RP1L1: variants seen among roughly 807,000 people sequenced by gnomAD.
The protein encoded by RP1L1 is RP1 like 1, also known as retinitis pigmentosa 1-like 1 protein.
Under a neutral mutation model 15.7 loss-of-function variants are expected in RP1L1, and 27 were observed. The observed-to-expected ratio is 1.72, with a 90% CI of 1.27 to 2.38. The LOEUF (loss-of-function observed/expected upper bound fraction) is 2.38. Ranked by LOEUF, RP1L1 falls within the 30% of genes most tolerant of loss-of-function variation. RP1L1 has a pLI of 0.00. For synonymous variants in RP1L1, 1,813 were observed against 1,276.7 expected (o/e 1.42, Z -8.96); for missense variants, 4,798 against 3,075.9 (o/e 1.56, Z -13.24).
intron 1 of RP1L1, among the ~76,000 whole-genome samples, chr8:10,632,777 T>A (rs765020068): frequency 1.3e-5 from 2 of 152,162 alleles, no homozygotes; most frequent in Non-Finnish European, 2.9e-5. Flanking sequence ...AGTCTGAGGT[T>A]GACTTGATAT....
In RP1L1 at chr8:10,607,323, C is replaced by G; in HGVS notation, c.6775G>C (p.Asp2259His). The G allele has an allele frequency of 1.2e-6, 2 of 1,614,238 alleles. No homozygotes were observed. Among genetic ancestry groups the G allele is most frequent in the African/African-American group, 1.3e-5 (1 of 75,064 alleles). ...KKGSPQVSLG[D>H]GQSEEASESS... Reference sequence around the variant, plus strand: ...TCAGAAGCCTCCTCAGATTGGCCATCTCCTAGACTGACCTGAGGGCTCCCC... The same window carrying G: ...TCAGAAGCCTCCTCAGATTGGCCATGTCCTAGACTGACCTGAGGGCTCCCC... The change falls in exon 4 of 4, where the codon GAT becomes CAT. Residue 2259 changes from aspartate (D) to histidine (H), a missense_variant. By Grantham distance (81) the Asp-to-His change is moderately conservative. Coordinates refer to ENST00000382483, the MANE Select transcript of RP1L1 (RefSeq NM_178857.6).
rs1563122872 is a variant in RP1L1, at chr8:10,610,281, CA to C, written c.3816del (p.Asn1272LysfsTer21). On this transcript the variant is annotated frameshift_variant, in exon 4 of 4. Transcript: ENST00000382483. LOFTEE classifies it low-confidence loss of function (END_TRUNC). ...LNARACACAT[N>X]EDEAERDSEE... is the part of the protein sequence containing the mutation. ...TCACTGTCTCTTTCTGCTTCATCCTCATTGGTGGCACAAGCGCAGGCTCGGG... is the reference window on the plus strand; with the variant it reads ...TCACTGTCTCTTTCTGCTTCATCCTCTTGGTGGCACAAGCGCAGGCTCGGG... 1.9e-6 allele frequency: 3 copies of C among 1,614,204 alleles called. No individual in the cohort carries two copies. Among genetic ancestry groups the C allele is most frequent in the Non-Finnish European group, 1.7e-6 (2 of 1,180,044 alleles).
chr8:10,619,960 CAAAA>C (rs34459240), intron 2 of RP1L1, among the ~76,000 whole-genome samples: 3 of 87,204 alleles, frequency 3.4e-5, no homozygotes, highest in South Asian at 4.4e-4. Context: ...GACTCCATCT[CAAAA>C]AAAAAAAAAA....
At position 10,611,604 on chromosome 8, in the gene RP1L1, G is replaced by C. The variant is rs759679455; in HGVS notation, c.2494C>G (p.Gln832Glu). Residue 832 changes from glutamine (Q) to glutamate (E), a missense_variant, in exon 4 of 4, where the codon CAG becomes GAG. Coordinates refer to ENST00000382483, the MANE Select transcript of RP1L1 (RefSeq NM_178857.6). ...CCCCGCTGGGCCTCTTGGGCCGGCT[G>C]CGTCCCAGGCTGTGAGCAGCAGTGG... is the stretch of plus-strand genomic sequence containing the variant. ...RSHCCSQPGT[Q>E]PAQEAQRGPS... 3.7e-6 allele frequency: 6 copies of C among 1,612,280 alleles called. No individual in the cohort carries two copies. The African/African-American group carries it at 8.0e-5, about 22-fold the overall frequency.
chr8:10,631,508 G>A (rs1174889717), intron 1 of RP1L1, among the ~76,000 whole-genome samples: 1 of 152,144 alleles, frequency 6.6e-6, no homozygotes, highest in Non-Finnish European at 1.5e-5. Flanking sequence ...GCTCTTTTCC[G>A]TGTATAGCAG....
intron 3 of RP1L1, among the ~76,000 whole-genome samples, chr8:10,615,483 G>A (rs1041084802): frequency 1.3e-5 from 2 of 152,156 alleles, no homozygotes; most frequent in African/African-American, 4.8e-5. Context: ...GACCCTGAAA[G>A]GATGCAACGC....
Position 10,610,308 on chromosome 8 carries a change from C to A in RP1L1, c.3790G>T (p.Ala1264Ser). 1.2e-6 allele frequency: 2 copies of A among 1,614,200 alleles called. No individual in the cohort carries two copies. Among genetic ancestry groups the A allele is most frequent in the South Asian group, 1.1e-5 (1 of 91,076 alleles). Residue 1264 changes from alanine to serine, a missense_variant, in exon 4 of 4, where the codon GCC becomes TCC. Ala to Ser is a moderately conservative substitution (Grantham distance 99). Coordinates refer to ENST00000382483, the MANE Select transcript of RP1L1 (RefSeq NM_178857.6). ...QQCCFPTFLN[A>S]RACACATNED... ...TTGGTGGCACAAGCGCAGGCTCGGG[C>A]GTTCAAGAAGGTTGGGAAACAACAC...
At chr8:10,619,305 T>C (rs1798021343) in intron 2 of RP1L1, among the ~76,000 whole-genome samples, 1 of 152,226 alleles carries the variant, frequency 6.6e-6, no homozygotes, top group Admixed American at 6.5e-5. Flanking sequence ...GCACAGGCCA[T>C]CTTCCTTTTG....
chr8:10,644,881 C>T (rs1798453985), intron 1 of RP1L1, among the ~76,000 whole-genome samples: 1 of 152,232 alleles, frequency 6.6e-6, no homozygotes, highest in Non-Finnish European at 1.5e-5. Context: ...AGTACAGGGG[C>T]TGTTATTACC....
chr8:10,637,775 G>C (rs1393776396), intron 1 of RP1L1, among the ~76,000 whole-genome samples: 1 of 152,220 alleles, frequency 6.6e-6, no homozygotes, highest in Non-Finnish European at 1.5e-5. Flanking sequence ...GTTGAGACAG[G>C]AGGGGAAAGA....
intron 3 of RP1L1, among the ~76,000 whole-genome samples, chr8:10,614,752 C>T (rs962290653): frequency 1.3e-5 from 2 of 150,712 alleles, no homozygotes; most frequent in Admixed American, 6.6e-5. Flanking sequence ...ATGAATGAAG[C>T]CCCCAAGGGC....
chr8:10,621,460 G>A (rs1327524052), intron 2 of RP1L1: 4 of 284,132 alleles, frequency 1.4e-5, no homozygotes, highest in Non-Finnish European at 2.8e-5. Context: ...CGAGTAGCTG[G>A]GATTACAGGT....
chr8:10,611,405 G>C lies in RP1L1; in HGVS notation c.2693C>G (p.Thr898Arg). 6.3e-7 allele frequency: 1 copy of C among 1,597,822 alleles called. No individual in the cohort carries two copies. Among genetic ancestry groups the C allele is most frequent in the African/African-American group, 1.3e-5 (1 of 74,760 alleles). The change falls in exon 4 of 4, where the codon ACG (threonine) becomes AGG (arginine). Residue 898 changes from threonine to arginine, a missense_variant. Physicochemically the swap from Thr to Arg is moderately conservative, Grantham distance 71 (BLOSUM62 -1). Transcript: ENST00000382483. ...CCCTGAATTGGGGCCTGGGGACGGC[G>C]TGGGGCCTGGCTGGCGTGTCCCCTC... Reference protein sequence around the residue: ...PQEGTRQPGPTPSPGPNSGAS... With the variant: ...PQEGTRQPGPRPSPGPNSGAS...
In RP1L1 at chr8:10,611,537, G is replaced by A. The variant is rs773283970; in HGVS notation, c.2561C>T (p.Pro854Leu). 29 of 1,591,868 alleles carry A rather than the reference G, an allele frequency of 1.8e-5. No homozygotes were observed. The Admixed American group carries it at 2.0e-4, about 11-fold the overall frequency. Residue 854 changes from proline to leucine, a missense_variant, in exon 4 of 4, where the codon CCC becomes CTC. Coordinates refer to ENST00000382483, the MANE Select transcript of RP1L1 (RefSeq NM_178857.6). ...GCAGGGCCGCCCCCTGGGCGGGGTG[G>A]GACAGTACCTGCCACACAGCCAGCT... ...EASWLCGRYC[P>L]TPPRGRPCPQ...
chr8:10,612,094 A>C lies in RP1L1; in HGVS notation c.2004T>G (p.Ser668=), dbSNP rs1797871809. 3.1e-6 allele frequency: 5 copies of C among 1,613,680 alleles called. No homozygotes were observed. Among genetic ancestry groups the C allele is most frequent in the Non-Finnish European group, 4.2e-6 (5 of 1,180,030 alleles). ...GGCTGTGGGTGTCCTTGCGGTAGTG[A>C]GAATGCCTGGGATGGCCTCTCGGGG... ...RVAPRGHPRH[S]HYRKDTHSPL... is the part of the protein sequence containing the mutation. The change falls in exon 4 of 4, where the codon TCT becomes TCG. Residue 668 remains serine (S), a synonymous_variant. Coordinates refer to ENST00000382483, the MANE Select transcript of RP1L1 (RefSeq NM_178857.6).
At chr8:10,621,798 G>A (rs541657449) in intron 2 of RP1L1, 57 of 494,574 alleles carry the variant, frequency 1.2e-4, no homozygotes, top group Admixed American at 2.9e-4. Context: ...TTACATTCAC[G>A]CATGTCCTTG....
rs545121611 is a variant in RP1L1 at position 10,626,389 on chromosome 8, G to A, written c.-19-3169C>T. 1.1e-4 allele frequency among the ~76,000 whole-genome samples: 17 copies of A among 152,308 alleles called. No homozygotes were observed. In the South Asian group the frequency reaches 3.3e-3, roughly 30 times the overall value. ...CACACGCGGATCACCGAAAGAAGCC[G>A]AGCATGATGGGAAGCTCACATGTCC... On this transcript the variant is annotated intron_variant, in intron 1 of 3. Transcript: ENST00000382483.
At chr8:10,622,543 C>T in intron 2 of RP1L1, 50 bp downstream of exon 2, 3 of 1,612,962 alleles carry the variant, frequency 1.9e-6, no homozygotes, top group Non-Finnish European at 2.5e-6. Context: ...GTATTTTGAC[C>T]TCAGGTCTAA....
chr8:10,612,200 G>T lies in RP1L1; in HGVS notation c.1898C>A (p.Ser633Ter), dbSNP rs1380730524. The change falls in exon 4 of 4, where the codon TCA (serine) becomes TAA (stop). Residue 633 changes from serine (S) to a stop codon, truncating the protein, a stop_gained. Coordinates refer to ENST00000382483, the MANE Select transcript of RP1L1 (RefSeq NM_178857.6). LOFTEE classifies it low-confidence loss of function (END_TRUNC). ...GTGCCTTCTCTGCCCCTGCTGGGAT[G>T]AAGTGCAGGTGGAAGGGGTGGAAGA... is the stretch of plus-strand genomic sequence containing the variant. ...GASSTPSTCT[S>*]SQQGQRRHRS... is the part of the protein sequence containing the mutation. 6.2e-7 allele frequency: 1 copy of T among 1,613,356 alleles called. No homozygotes were observed. Among genetic ancestry groups the T allele is most frequent in the Admixed American group, 1.7e-5 (1 of 60,032 alleles).
Sources: gnomAD v4.1 joint callset for allele counts (sites outside exome capture counted in the v4.1 genomes callset) on GRCh38, gnomAD v4.1.1 for gene constraint, MANE v1.5 for transcripts, NCBI Gene and HGNC (gene_info 2026-07-23, HGNC 2026-07-21) for gene names.